The following ZNF385D variants were observed in gnomAD, a reference collection of about 807,000 sequenced individuals.
The protein encoded by ZNF385D is zinc finger protein 659.
A neutral mutation model predicts 35.8 loss-of-function variants in ZNF385D; 15 were observed. The ratio of observed to expected loss-of-function variants is 0.42; its 90% confidence interval spans 0.28 to 0.64. ZNF385D has a LOEUF of 0.64. Ranked by LOEUF, ZNF385D falls within the 30% of genes least tolerant of loss-of-function variation. The pLI, the probability that ZNF385D is intolerant of heterozygous loss-of-function variation, is 0.23. For synonymous variants in ZNF385D, 212 were observed against 186.8 expected, an observed-to-expected ratio of 1.13 and a Z score of -1.10; for missense variants, 474 against 494.6, an observed-to-expected ratio of 0.96 and a Z score of 0.39.
chr3:21,823,571 C>T (rs745607405), intron 3 of ZNF385D, among the ~76,000 whole-genome samples: 17 of 152,262 alleles, frequency 1.1e-4, no homozygotes, highest in Admixed American at 2.0e-4. Flanking sequence ...TGAAGTCAAG[C>T]GTTGCTATGT....
chr3:21,809,897 T>C (rs1451846009), intron 3 of ZNF385D, among the ~76,000 whole-genome samples: 1 of 151,990 alleles, frequency 6.6e-6, no homozygotes, highest in East Asian at 1.9e-4. Context: ...AAATTTGTGA[T>C]AAAAATAACC....
intron 4 of ZNF385D, among the ~76,000 whole-genome samples, chr3:21,505,078 T>C (rs1162918273): frequency 6.6e-6 from 1 of 151,992 alleles, no homozygotes; most frequent in African/African-American, 2.4e-5. Flanking sequence ...TGAATAGAAG[T>C]GAGAACTTAG....
intron 3 of ZNF385D, among the ~76,000 whole-genome samples, chr3:21,758,676 T>G (rs1409129984): frequency 1.3e-5 from 2 of 152,104 alleles, no homozygotes; most frequent in Non-Finnish European, 2.9e-5. Flanking sequence ...CCTGATCCCC[T>G]TGCAGTAAGA....
chr3:22,205,094 A>T (rs1426794396), intron 2 of ZNF385D, among the ~76,000 whole-genome samples: 1 of 152,058 alleles, frequency 6.6e-6, no homozygotes, highest in Non-Finnish European at 1.5e-5. Context: ...GGTCAAGAAT[A>T]AGGAAAAGAT....
chr3:21,724,373 A>G (rs2068664594), intron 1 of ZNF385D, among the ~76,000 whole-genome samples: 1 of 151,666 alleles, frequency 6.6e-6, no homozygotes, highest in South Asian at 2.1e-4. Flanking sequence ...CATAGAGTCA[A>G]GACCCATCAA....
At chr3:21,770,662 A>G (rs2071035765) in intron 3 of ZNF385D, among the ~76,000 whole-genome samples, 3 of 152,174 alleles carry the variant, frequency 2.0e-5, no homozygotes, top group South Asian at 4.1e-4. Flanking sequence ...TAGTTCGACC[A>G]TTGCGGAAGA....
intron 3 of ZNF385D, among the ~76,000 whole-genome samples, chr3:21,805,522 AC>A (rs1444422134): frequency 6.6e-6 from 1 of 152,246 alleles, no homozygotes; most frequent in East Asian, 1.9e-4. Context: ...AGGAGAAAGA[AC>A]AAAAGACCAC....
chr3:21,845,837 G>A lies in ZNF385D; in HGVS notation c.326-180809C>T, dbSNP rs574609511. 2.0e-5 allele frequency among the ~76,000 whole-genome samples: 3 copies of A among 152,064 alleles called. No individual in the cohort carries two copies. In the East Asian group the frequency reaches 5.8e-4, roughly 30 times the overall value. ...GCTTGACTGCAATTTCTACATCAAT[G>A]TCAGATTAAGAAAATACGCCTGAAT... is the stretch of plus-strand genomic sequence containing the variant. On this transcript the variant is annotated intron_variant, in intron 3 of 5. Transcript: ENST00000494108.
chr3:22,187,766 G>C (rs1005369590), intron 2 of ZNF385D, among the ~76,000 whole-genome samples: 1 of 152,076 alleles, frequency 6.6e-6, no homozygotes. Context: ...GTGTAGAGTC[G>C]TATGTTTATT....
chr3:21,831,716 G>GA (rs1156235026), intron 3 of ZNF385D, among the ~76,000 whole-genome samples: 2 of 152,102 alleles, frequency 1.3e-5, no homozygotes, highest in African/African-American at 4.8e-5. Flanking sequence ...CCTTCTATTG[G>GA]ATATAAACAT....
At chr3:22,118,789 G>C (rs1426501481) in intron 3 of ZNF385D, among the ~76,000 whole-genome samples, 1 of 151,938 alleles carries the variant, frequency 6.6e-6, no homozygotes, top group Non-Finnish European at 1.5e-5. Context: ...ACAGGCCTTA[G>C]GAACATGATG....
intron 1 of ZNF385D, among the ~76,000 whole-genome samples, chr3:21,666,644 G>A (rs1457470121): frequency 6.6e-6 from 1 of 152,212 alleles, no homozygotes; most frequent in Non-Finnish European, 1.5e-5. Flanking sequence ...TATTGAGTGT[G>A]AGTGTGTAAC....
At chr3:21,440,451 T>G (rs1701801957) in intron 4 of ZNF385D, among the ~76,000 whole-genome samples, 1 of 152,086 alleles carries the variant, frequency 6.6e-6, no homozygotes, top group African/African-American at 2.4e-5. Flanking sequence ...ACAAGGAAAG[T>G]GTGCAGAACT....
chr3:21,680,983 A>G (rs1166366572), intron 1 of ZNF385D, among the ~76,000 whole-genome samples: 1 of 152,062 alleles, frequency 6.6e-6, no homozygotes, highest in African/African-American at 2.4e-5. Flanking sequence ...AGGCAGGGAG[A>G]TGCTTTGGAT....
chr3:21,579,534 T>C (rs889839016), intron 2 of ZNF385D: 3 of 152,198 alleles, frequency 2.0e-5, no homozygotes, highest in Admixed American at 6.5e-5. Context: ...CATTTACTTA[T>C]TTTTTATGTC....
intron 2 of ZNF385D, among the ~76,000 whole-genome samples, chr3:21,603,922 GAGT>G (rs749044546): frequency 3.3e-5 from 5 of 152,130 alleles, no homozygotes; most frequent in Non-Finnish European, 5.9e-5. Context: ...AATGAAATAG[GAGT>G]AGAAGTAGCT....
At chr3:22,171,707 T>C (rs1275811322) in intron 2 of ZNF385D, among the ~76,000 whole-genome samples, 8 of 151,642 alleles carry the variant, frequency 5.3e-5, no homozygotes, top group African/African-American at 1.9e-4. Context: ...AAATCCCGTC[T>C]CTACTAAAAA....
chr3:22,074,645 T>C (rs1700380012), intron 3 of ZNF385D, among the ~76,000 whole-genome samples: 1 of 151,892 alleles, frequency 6.6e-6, no homozygotes, highest in African/African-American at 2.4e-5. Flanking sequence ...AGAAAAAACC[T>C]CCATTCTTCA....
chr3:22,180,897 A>G (rs1695204296), intron 2 of ZNF385D, among the ~76,000 whole-genome samples: 1 of 105,216 alleles, frequency 9.5e-6, no homozygotes, highest in Non-Finnish European at 1.9e-5. Context: ...TAAATCCAGT[A>G]GCTATATGCT....
Sources: gnomAD v4.1 joint callset for allele counts (sites outside exome capture counted in the v4.1 genomes callset) on GRCh38, gnomAD v4.1.1 for gene constraint, MANE v1.5 for transcripts, NCBI Gene and HGNC (gene_info 2026-07-23, HGNC 2026-07-21) for gene names.